The following PKD2L1 variants were observed in gnomAD, a reference collection of about 807,000 sequenced individuals.
The protein encoded by PKD2L1 is polycystin-2-like protein 1.
Under a neutral mutation model 93.0 loss-of-function variants are expected in PKD2L1, and 77 were observed. That is an observed-to-expected ratio of 0.83 (90% CI 0.69 to 1.00). The LOEUF is 1.00. Ranked by LOEUF, PKD2L1 falls within the 50% of genes least tolerant of loss-of-function variation. The pLI is 0.00. For synonymous variants in PKD2L1, 390 were observed against 388.0 expected (o/e 1.01, Z -0.06); for missense variants, 977 against 990.9 (o/e 0.99, Z 0.19).
chr10:100,297,701 ATTGTGTGTGTGTGT>A, intron 4 of PKD2L1, 95 bp from the exon 5 acceptor site: 1 of 662,400 alleles, frequency 1.5e-6, no homozygotes, highest in Non-Finnish European at 2.5e-6. Flanking sequence ...AGGTTTACAT[ATTGTGTGTGTGTGT>A]GTGTGTGTGT....
rs539164519 is a variant in PKD2L1, at chr10:100,308,783, C to A, written c.350-9065G>T. Reference sequence around the variant, plus strand: ...ATATACCATGCTATCACCCTAACACCCTAAATCCTTCTGATTAAGGATTCT... The same window carrying A: ...ATATACCATGCTATCACCCTAACACACTAAATCCTTCTGATTAAGGATTCT... On this transcript the variant is annotated intron_variant, in intron 2 of 15. Transcript: ENST00000318222. Among the ~76,000 whole-genome samples the A allele has an allele frequency of 3.3e-5, 5 of 152,300 alleles. No individual in the cohort carries two copies. In the South Asian group the frequency reaches 8.3e-4, roughly 25 times the overall value.
chr10:100,302,471 C>A (rs187120390), intron 2 of PKD2L1, among the ~76,000 whole-genome samples: 23 of 151,560 alleles, frequency 1.5e-4, no homozygotes, highest in Admixed American at 1.1e-3. Context: ...TGGAGGTGGG[C>A]GGATCACTTG....
At chr10:100,306,776 G>A (rs1184790972) in intron 2 of PKD2L1, among the ~76,000 whole-genome samples, 1 of 141,090 alleles carries the variant, frequency 7.1e-6, no homozygotes, top group African/African-American at 2.7e-5. Context: ...AAGATCACCC[G>A]AGCCTTAGGA....
chr10:100,299,862 T>C (rs1490652119), intron 2 of PKD2L1, 144 bp from the exon 3 acceptor site: 13 of 677,414 alleles, frequency 1.9e-5, no homozygotes, highest in Non-Finnish European at 3.3e-5. Context: ...GTTAGGAGCC[T>C]AATGGTGGCA....
At position 100,329,281 on chromosome 10, in the gene PKD2L1, C is replaced by T. The variant is rs2133578186; in HGVS notation, c.279G>A (p.Arg93=). The T allele has an allele frequency of 3.1e-6, 5 of 1,614,152 alleles. No homozygotes were observed. The East Asian group carries it at 6.7e-5, about 22-fold the overall frequency. ...TCAGGGTGGTCTTGATATAAAGTTC[C>T]CGGTTCTCAGCTGTGTTCTCAGTCA... The part of the protein sequence containing the change: ...TTLTENTAEN[R]ELYIKTTLRE... Residue 93 remains arginine (R), a synonymous_variant, in exon 2 of 16, where the codon CGG becomes CGA. Transcript: ENST00000318222.
chr10:100,320,942 A>C (rs954517538), intron 2 of PKD2L1, among the ~76,000 whole-genome samples: 3 of 152,240 alleles, frequency 2.0e-5, no homozygotes, highest in Non-Finnish European at 4.4e-5. Context: ...TAATTTAAAG[A>C]AGTGGGAAAA....
rs979152365 is a variant in PKD2L1, at chr10:100,297,287, C to G, written c.957-79G>C. The G allele has an allele frequency of 4.6e-6, 7 of 1,534,490 alleles. No homozygotes were observed. The Admixed American group carries it at 1.0e-4, about 22-fold the overall frequency. On this transcript the variant is annotated intron_variant, in intron 5 of 15. Transcript: ENST00000318222. ...TCCCACTTCCTCTCCTCTCCACCCCCACCACAGGGTAGGAGTTTAGGGAAG... is the reference window on the plus strand; with the variant it reads ...TCCCACTTCCTCTCCTCTCCACCCCGACCACAGGGTAGGAGTTTAGGGAAG...
Position 100,307,132 on chromosome 10 carries a change from C to T in PKD2L1, c.350-7414G>A, listed in dbSNP as rs148211064. ...GAGAAAGAAAGGACAAGACTAGACA[C>T]CTATTGCCTCAAAACACCTATTACG... On this transcript the variant is annotated intron_variant, in intron 2 of 15. Transcript: ENST00000318222. Among the ~76,000 whole-genome samples the T allele has an allele frequency of 9.7e-3, 1,473 of 152,272 alleles. 11 individuals carry two copies. Among genetic ancestry groups the T allele is most frequent in the Non-Finnish European group, 0.015 (1,017 of 68,020 alleles).
chr10:100,320,183 A>G (rs536293159), intron 2 of PKD2L1, among the ~76,000 whole-genome samples: 1 of 152,374 alleles, frequency 6.6e-6, no homozygotes, highest in East Asian at 1.9e-4. Flanking sequence ...ATATTGAGCC[A>G]TTACAGGATT....
At chr10:100,329,433 T>A in intron 1 of PKD2L1, 109 bp from the exon 2 acceptor site, 1 of 1,464,120 alleles carries the variant, frequency 6.8e-7, no homozygotes, top group South Asian at 1.2e-5. Context: ...TGCCCTTCCT[T>A]GCCCATCACC....
chr10:100,292,804 C>T, intron 11 of PKD2L1, 144 bp downstream of exon 11: 5 of 783,532 alleles, frequency 6.4e-6, no homozygotes, highest in Non-Finnish European at 1.0e-5. Flanking sequence ...GGAGCGGAGA[C>T]CTACGGGCAA....
rs1848633504 is a variant in PKD2L1, at chr10:100,299,618, G to A, written c.450C>T (p.Ala150=). The A allele has an allele frequency of 6.2e-7, 1 of 1,613,790 alleles. No homozygotes were observed. Among genetic ancestry groups the A allele is most frequent in the African/African-American group, 1.3e-5 (1 of 74,934 alleles). ...CCCAGAAGTCCGCCATGCTGCTGAT[G>A]GCCTGAAAGGAGACTCCAGTGTCTG... ...TPSDTGVSFQ[A]ISSMADFWDF... The change falls in exon 3 of 16, where the codon GCC becomes GCT. Residue 150 remains alanine, a synonymous_variant. Coordinates refer to ENST00000318222, the MANE Select transcript of PKD2L1 (RefSeq NM_016112.3).
Position 100,330,062 on chromosome 10 carries a change from C to T in PKD2L1, c.42G>A (p.Lys14=), listed in dbSNP as rs372584640. 22 of 1,605,444 alleles carry T rather than the reference C, an allele frequency of 1.4e-5. No homozygotes were observed. The highest frequency in any genetic ancestry group is 1.9e-5 in the Non-Finnish European group (22 of 1,174,580). ...VGSPEGQELQ[K]LGSGAWDNPA... ...GGTTGTCCCAGGCTCCACTCCCCAG[C>T]TTTTGCAGCTCCTGCCCCTCAGGAC... The change falls in exon 1 of 16, where the codon AAG becomes AAA. Residue 14 remains lysine, a synonymous_variant. Coordinates refer to ENST00000318222, the MANE Select transcript of PKD2L1 (RefSeq NM_016112.3).
chr10:100,330,166 C>T lies in PKD2L1; in HGVS notation c.-63G>A. The T allele has an allele frequency of 3.8e-6, 4 of 1,039,466 alleles. No homozygotes were observed. Among genetic ancestry groups the T allele is most frequent in the Non-Finnish European group, 5.7e-6 (4 of 703,914 alleles). The allele number at this position is 1,039,466 out of a possible 1,614,324, so 64.4% of individuals were successfully genotyped here. A position where few individuals can be genotyped will look rare whatever the true frequency, so the allele number is the denominator to read the frequency against. On this transcript the variant is annotated 5_prime_UTR_variant, in exon 1 of 16. Coordinates refer to ENST00000318222, the MANE Select transcript of PKD2L1 (RefSeq NM_016112.3). Reference sequence around the variant, plus strand: ...CACTCTCAGCTAGAGGAAGAGGGAGCAGAGGCACAGCCCAGCCTAGCCAGC... The same window carrying T: ...CACTCTCAGCTAGAGGAAGAGGGAGTAGAGGCACAGCCCAGCCTAGCCAGC...
chr10:100,307,294 C>A (rs1022086666), intron 2 of PKD2L1, among the ~76,000 whole-genome samples: 2 of 152,138 alleles, frequency 1.3e-5, no homozygotes, highest in Non-Finnish European at 2.9e-5. Context: ...CTAATGGAGC[C>A]AGGATTAAAA....
chr10:100,297,313 G>A, intron 5 of PKD2L1, 69 bp downstream of exon 5: 6 of 1,530,184 alleles, frequency 3.9e-6, no homozygotes, highest in Admixed American at 1.7e-5. Flanking sequence ...TTTAGGGAAG[G>A]GTCTCATGCA....
At chr10:100,296,782 G>A (rs1416284247) in intron 6 of PKD2L1, among the ~76,000 whole-genome samples, 198 bp downstream of exon 6, 2 of 151,994 alleles carry the variant, frequency 1.3e-5, no homozygotes, top group Non-Finnish European at 2.9e-5. Context: ...AGGAGGAGAG[G>A]AGATGTGAGA....
chr10:100,322,005 G>A (rs1332364777), intron 2 of PKD2L1, among the ~76,000 whole-genome samples: 1 of 151,762 alleles, frequency 6.6e-6, no homozygotes, highest in Non-Finnish European at 1.5e-5. Context: ...CACTTTGGAA[G>A]GCTTGAGCCC....
At chr10:100,296,053 A>G (rs1848528311) in intron 7 of PKD2L1, 69 bp downstream of exon 7, 4 of 1,440,232 alleles carry the variant, frequency 2.8e-6, no homozygotes, top group East Asian at 2.4e-5. Context: ...AAAAAAGAAA[A>G]AAAAGAAAAG....
Sources: gnomAD v4.1 joint callset for allele counts (sites outside exome capture counted in the v4.1 genomes callset) on GRCh38, gnomAD v4.1.1 for gene constraint, MANE v1.5 for transcripts, NCBI Gene and HGNC (gene_info 2026-07-23, HGNC 2026-07-21) for gene names.